The following TENM2 variants were observed in gnomAD, a reference collection of about 807,000 sequenced individuals.
TENM2 encodes teneurin transmembrane protein 2.
In TENM2, 52 loss-of-function variants were observed where a neutral mutation model predicts 245.2. The ratio of observed to expected loss-of-function variants is 0.21; its 90% CI spans 0.17 to 0.27. TENM2 has a LOEUF of 0.27. Among genes scored for constraint, TENM2 ranks in the 10% least tolerant of loss-of-function variants. The pLI is 1.00. For synonymous variants in TENM2, 1,363 were observed against 1,438.9 expected, an observed-to-expected ratio of 0.95 and a Z score of 1.19; for missense variants, 3,046 against 3,666.8, an observed-to-expected ratio of 0.83 and a Z score of 4.37.
intron 3 of TENM2, among the ~76,000 whole-genome samples, chr5:167,910,253 A>G (rs1776444145): frequency 1.3e-5 from 2 of 152,162 alleles, no homozygotes; most frequent in African/African-American, 2.4e-5. Flanking sequence ...GAGCCTGTCA[A>G]TATTTCTCAG....
In TENM2 at chr5:168,136,406, C is replaced by G. The variant is rs530643575; in HGVS notation, c.2422+9440C>G. Among the ~76,000 whole-genome samples, 7 of 152,294 alleles carry G rather than the reference C, an allele frequency of 4.6e-5. No individual in the cohort carries two copies. In the South Asian group the frequency reaches 1.5e-3, roughly 32 times the overall value. On this transcript the variant is annotated intron_variant, in intron 12 of 28. Coordinates refer to ENST00000518659, the Ensembl canonical transcript of TENM2. Reference sequence around the variant, plus strand: ...TACAAGCTTAGTCCCTTCATTGAAACCTGCTGCCTGAGAAATACACTTACA... The same window carrying G: ...TACAAGCTTAGTCCCTTCATTGAAAGCTGCTGCCTGAGAAATACACTTACA...
intron 2 of TENM2, among the ~76,000 whole-genome samples, chr5:167,644,543 C>A (rs1054672092): frequency 6.6e-6 from 1 of 152,140 alleles, no homozygotes; most frequent in African/African-American, 2.4e-5. Flanking sequence ...ATGGTAGCTA[C>A]TATTTTGTAT....
At chr5:168,021,764 A>G (rs1353485639) in intron 5 of TENM2, among the ~76,000 whole-genome samples, 1 of 144,556 alleles carries the variant, frequency 6.9e-6, no homozygotes, top group East Asian at 2.0e-4. Flanking sequence ...ACTGTCCTAC[A>G]TATTTGAAAT....
At chr5:168,162,552 C>T (rs770723454) in intron 12 of TENM2, 59 bp from the exon 15 acceptor site, 381 of 1,581,754 alleles carry the variant, frequency 2.4e-4, no homozygotes, top group Non-Finnish European at 2.8e-4. Context: ...CATGGCTCCC[C>T]TGCTTCCCCA....
exon 4 of TENM2, chr5:167,952,682 C>T: frequency 6.2e-7 from 1 of 1,612,974 alleles, no homozygotes; most frequent in Non-Finnish European, 8.5e-7. Context: ...CCGCCAACTC[C>T]CTCAACAGGA....
chr5:167,537,888 A>G (rs1206574646), intron 2 of TENM2, among the ~76,000 whole-genome samples: 1 of 152,228 alleles, frequency 6.6e-6, no homozygotes, highest in Non-Finnish European at 1.5e-5. Context: ...TCTTCAATAC[A>G]CTTCTTGTAG....
chr5:167,283,088 A>C (rs1771146279), upstream of TENM2, among the ~76,000 whole-genome samples: 1 of 151,798 alleles, frequency 6.6e-6, no homozygotes. Context: ...CTTGTTGTCC[A>C]GGCTGGAGTG....
At chr5:167,672,123 A>G (rs2150353304) in intron 2 of TENM2, among the ~76,000 whole-genome samples, 1 of 152,228 alleles carries the variant, frequency 6.6e-6, no homozygotes, top group African/African-American at 2.4e-5. Context: ...TCTGTGTTAG[A>G]GCAGACCATT....
chr5:167,798,169 C>G (rs1392833548), intron 2 of TENM2, among the ~76,000 whole-genome samples: 4 of 152,206 alleles, frequency 2.6e-5, no homozygotes, highest in Non-Finnish European at 2.9e-5. Context: ...GGATTCACGT[C>G]CAGGCGCAAG....
the TENM2 span, among the ~76,000 whole-genome samples, chr5:167,210,284 C>T: frequency 6.6e-6 from 1 of 152,178 alleles, no homozygotes; most frequent in African/African-American, 2.4e-5. Flanking sequence ...TACTGTGCTT[C>T]TTTCCCATAA....
intron 3 of TENM2, among the ~76,000 whole-genome samples, chr5:167,922,106 G>A (rs1777416315): frequency 6.6e-6 from 1 of 152,184 alleles, no homozygotes; most frequent in Admixed American, 6.5e-5. Context: ...AGGAGAAAAG[G>A]AAAACTGGCA....
At chr5:167,706,401 AT>A (rs1758527391) in intron 2 of TENM2, among the ~76,000 whole-genome samples, 1 of 149,368 alleles carries the variant, frequency 6.7e-6, no homozygotes, top group African/African-American at 2.4e-5. Context: ...CTATATATAT[AT>A]ATATAAGAAA....
intron 9 of TENM2, among the ~76,000 whole-genome samples, chr5:168,117,946 G>A (rs1269859800): frequency 6.6e-6 from 1 of 152,190 alleles, no homozygotes; most frequent in East Asian, 1.9e-4. Flanking sequence ...CTGTGTGACT[G>A]GACACGTCAC....
intron 2 of TENM2, among the ~76,000 whole-genome samples, chr5:167,469,412 A>G (rs1441416766): frequency 6.6e-6 from 1 of 152,176 alleles, no homozygotes; most frequent in Non-Finnish European, 1.5e-5. Flanking sequence ...TAAAGATTAA[A>G]TTAATGTTAT....
the TENM2 span, among the ~76,000 whole-genome samples, chr5:167,176,889 G>T: frequency 7.9e-5 from 12 of 152,140 alleles, no homozygotes; most frequent in Admixed American, 7.9e-4. Context: ...AACGTGGATG[G>T]GGATACATTT....
the TENM2 span, among the ~76,000 whole-genome samples, chr5:167,148,271 C>T: frequency 6.6e-6 from 1 of 152,166 alleles, no homozygotes; most frequent in Non-Finnish European, 1.5e-5. Context: ...AAAGAAAAAT[C>T]ACAAAATGTG....
the TENM2 span, among the ~76,000 whole-genome samples, chr5:167,205,694 G>T: frequency 2.0e-5 from 3 of 152,224 alleles, no homozygotes; most frequent in South Asian, 6.2e-4. Flanking sequence ...AGGGTCCATG[G>T]TTCAAAAGTT....
At chr5:167,516,202 CA>C (rs2127576488) in intron 2 of TENM2, among the ~76,000 whole-genome samples, 1 of 152,232 alleles carries the variant, frequency 6.6e-6, no homozygotes, top group Non-Finnish European at 1.5e-5. Flanking sequence ...TTGTTAGTGA[CA>C]GATATCATCT....
chr5:168,218,411 A>G lies in TENM2; in HGVS notation c.4520A>G (p.Asn1507Ser), dbSNP rs1289972325. 1.2e-6 allele frequency: 2 copies of G among 1,614,038 alleles called. No homozygotes were observed. Among genetic ancestry groups the G allele is most frequent in the Admixed American group, 1.7e-5 (1 of 60,026 alleles). Residue 1507 changes from asparagine (N) to serine (S), a missense_variant, in exon 23 of 29, where the codon AAC (asparagine) becomes AGC (serine). Transcript: ENST00000518659. The surrounding 1 kb of genome is among the most constrained non-coding windows in gnomAD (Gnocchi z 5.2). Reference sequence around the variant, plus strand: ...AACCGTCTACGCCAGGTAACAACCAACGGGGAGATCTGCCTTTTAGCTGGG... The same window carrying G: ...AACCGTCTACGCCAGGTAACAACCAGCGGGGAGATCTGCCTTTTAGCTGGG...
Sources: allele counts gnomAD v4.1 joint callset (sites outside exome capture counted in the v4.1 genomes callset), GRCh38; gene constraint gnomAD v4.1.1; non-coding constraint Gnocchi (gnomAD v3.1); transcripts MANE v1.5; gene names NCBI Gene and HGNC (gene_info 2026-07-23, HGNC 2026-07-21).